MACROD2: variants seen among roughly 807,000 people sequenced by gnomAD.
MACROD2 encodes ADP-ribose glycohydrolase MACROD2.
A neutral mutation model predicts 70.4 loss-of-function variants in MACROD2; 36 were observed. That is an observed-to-expected ratio of 0.51 (90% confidence interval 0.39 to 0.68). The LOEUF is 0.68. Ranked by LOEUF, MACROD2 falls within the 30% of genes least tolerant of loss-of-function variation. The probability of loss-of-function intolerance (pLI) is 0.00; values close to 1 mark genes in which losing one functional copy is unlikely to be tolerated. For synonymous variants in MACROD2, 172 were observed against 178.8 expected, an observed-to-expected ratio of 0.96 and a Z score of 0.30; for missense variants, 496 against 538.4, an observed-to-expected ratio of 0.92 and a Z score of 0.78.
intron 6 of MACROD2, among the ~76,000 whole-genome samples, chr20:15,354,657 AG>A (rs141157463): frequency 0.089 from 13,566 of 152,208 alleles, 756 homozygotes; most frequent in Non-Finnish European, 0.13. Flanking sequence ...AAAAAGAAAA[AG>A]TTTTAGGCAT....
At chr20:16,046,825 C>T (rs979705642) in intron 17 of MACROD2, among the ~76,000 whole-genome samples, 5 of 151,576 alleles carry the variant, frequency 3.3e-5, no homozygotes, top group East Asian at 1.9e-4. Flanking sequence ...GGATTACAGT[C>T]GCGTACCACC....
At chr20:14,796,709 A>G (rs1025302095) in intron 5 of MACROD2, among the ~76,000 whole-genome samples, 1 of 152,098 alleles carries the variant, frequency 6.6e-6, no homozygotes, top group African/African-American at 2.4e-5. Context: ...TCTCACATAC[A>G]TAACTTTGCT....
At chr20:14,634,754 A>G (rs1049385683) in intron 4 of MACROD2, among the ~76,000 whole-genome samples, 11 of 152,224 alleles carry the variant, frequency 7.2e-5, no homozygotes, top group Admixed American at 3.9e-4. Flanking sequence ...TAGGCATAGC[A>G]TGTTTAAAAG....
chr20:15,404,857 A>G (rs540663483), intron 6 of MACROD2, among the ~76,000 whole-genome samples: 22 of 152,332 alleles, frequency 1.4e-4, no homozygotes, highest in Admixed American at 9.1e-4. Flanking sequence ...CCTCCAAAAG[A>G]TAGAAACTCC....
At chr20:14,408,701 A>G (rs921760246) in intron 3 of MACROD2, among the ~76,000 whole-genome samples, 2 of 152,178 alleles carry the variant, frequency 1.3e-5, no homozygotes, top group Non-Finnish European at 2.9e-5. Context: ...CATTAGCCAT[A>G]GAGATGGCAT....
At chr20:15,131,146 G>C (rs567405327) in intron 5 of MACROD2, among the ~76,000 whole-genome samples, 3 of 152,112 alleles carry the variant, frequency 2.0e-5, no homozygotes, top group Non-Finnish European at 4.4e-5. Flanking sequence ...CATGCACATA[G>C]AGGTTCTAGA....
chr20:14,164,879 AC>A (rs952025635), intron 3 of MACROD2, among the ~76,000 whole-genome samples: 3 of 152,154 alleles, frequency 2.0e-5, no homozygotes, highest in African/African-American at 7.2e-5. Flanking sequence ...GGACGCATGC[AC>A]TTTGCTCATG....
intron 4 of MACROD2, among the ~76,000 whole-genome samples, chr20:14,575,409 A>C (rs968997266): frequency 6.6e-6 from 1 of 152,156 alleles, no homozygotes; most frequent in Non-Finnish European, 1.5e-5. Context: ...CCTCTGGAAA[A>C]CACCACTGTA....
chr20:15,422,316 T>G (rs1319305299), intron 6 of MACROD2, among the ~76,000 whole-genome samples: 1 of 152,122 alleles, frequency 6.6e-6, no homozygotes, highest in African/African-American at 2.4e-5. Flanking sequence ...CTCAGCGAAT[T>G]AGAGGAGAGA....
At chr20:15,660,495 A>G (rs1454075981) in intron 8 of MACROD2, among the ~76,000 whole-genome samples, 1 of 152,164 alleles carries the variant, frequency 6.6e-6, no homozygotes, top group Non-Finnish European at 1.5e-5. Context: ...AAGTCCTTCA[A>G]AAGCACAACA....
chr20:14,840,446 AG>A (rs1211702971), intron 5 of MACROD2, among the ~76,000 whole-genome samples: 1 of 152,080 alleles, frequency 6.6e-6, no homozygotes, highest in African/African-American at 2.4e-5. Flanking sequence ...CATGTTGCCC[AG>A]GCTGGTCTTG....
chr20:14,797,084 G>A (rs954857299), intron 5 of MACROD2, among the ~76,000 whole-genome samples: 1 of 151,812 alleles, frequency 6.6e-6, no homozygotes, highest in Non-Finnish European at 1.5e-5. Context: ...GCTACCATAA[G>A]CAATTCATTA....
intron 8 of MACROD2, among the ~76,000 whole-genome samples, chr20:15,669,821 AG>A (rs1226427304): frequency 6.6e-6 from 1 of 152,220 alleles, no homozygotes; most frequent in Non-Finnish European, 1.5e-5. Flanking sequence ...AGGGGCACAA[AG>A]GGCAGGTGGG....
intron 8 of MACROD2, among the ~76,000 whole-genome samples, chr20:15,802,926 A>G (rs2063738982): frequency 6.6e-6 from 1 of 152,152 alleles, no homozygotes; most frequent in East Asian, 1.9e-4. Flanking sequence ...GAGGAAATGG[A>G]TACTTTCCTG....
intron 3 of MACROD2, among the ~76,000 whole-genome samples, chr20:14,210,947 G>C (rs1250770129): frequency 6.6e-6 from 1 of 152,146 alleles, no homozygotes; most frequent in African/African-American, 2.4e-5. Flanking sequence ...GGAGGGAGAC[G>C]CTTAGGATTA....
At chr20:15,373,325 T>C (rs1021257753) in intron 6 of MACROD2, among the ~76,000 whole-genome samples, 6 of 152,220 alleles carry the variant, frequency 3.9e-5, no homozygotes, top group African/African-American at 7.2e-5. Flanking sequence ...ATATATCTTA[T>C]TTATTATCTT....
intron 5 of MACROD2, among the ~76,000 whole-genome samples, chr20:14,875,822 T>C (rs565428229): frequency 7.2e-5 from 11 of 152,282 alleles, no homozygotes; most frequent in Admixed American, 3.3e-4. Flanking sequence ...AATTTTATTC[T>C]TTTTCATGGA....
Position 14,523,394 on chromosome 20 carries a change from C to G in MACROD2, c.301+29886C>G, listed in dbSNP as rs554261681. 2.0e-5 allele frequency: 3 copies of G among 152,180 alleles called. No homozygotes were observed. The South Asian group carries it at 6.2e-4, about 32-fold the overall frequency. 9.4% of individuals were successfully genotyped at this position (152,180 alleles called of 1,614,324 possible). On this transcript the variant is annotated intron_variant, in intron 4 of 17. Coordinates refer to ENST00000684519, the MANE Select transcript of MACROD2 (RefSeq NM_001351661.2). The stretch of plus-strand genomic sequence containing the variant: ...TATATTTTCTGCTTCACGGTGATGA[C>G]AGCATCACCTGTGGGTTCAGAATCA...
At chr20:14,320,663 ATTTTTTTTTTTTT>A (rs11087086) in intron 3 of MACROD2, among the ~76,000 whole-genome samples, 48 of 123,684 alleles carry the variant, frequency 3.9e-4, no homozygotes, top group African/African-American at 1.5e-3. Flanking sequence ...CACCTTTGGA[ATTTTTTTTTTTTT>A]TTTTTTTTTT....
Sources: gnomAD v4.1 joint callset for allele counts (sites outside exome capture counted in the v4.1 genomes callset) on GRCh38, gnomAD v4.1.1 for gene constraint, MANE v1.5 for transcripts, NCBI Gene and HGNC (gene_info 2026-07-23, HGNC 2026-07-21) for gene names.